SMC2: variants seen among roughly 807,000 people sequenced by gnomAD.
SMC2 encodes the protein structural maintenance of chromosomes 2, also known as structural maintenance of chromosomes protein 2.
A neutral mutation model predicts 142.6 loss-of-function variants in SMC2; 41 were observed. The ratio of observed to expected loss-of-function variants is 0.29; its 90% CI spans 0.22 to 0.37. SMC2 has a LOEUF of 0.37. Among genes scored for constraint, SMC2 ranks in the 10% least tolerant of loss-of-function variants. The probability of loss-of-function intolerance (pLI) is 1.00; values close to 1 mark genes in which losing one functional copy is unlikely to be tolerated. For synonymous variants in SMC2, 463 were observed against 457.5 expected (o/e 1.01, Z -0.15); for missense variants, 1,265 against 1,373.7 (o/e 0.92, Z 1.25).
At chr9:104,111,266 T>C (rs2131377883) in intron 9 of SMC2, among the ~76,000 whole-genome samples, 2 of 152,318 alleles carry the variant, frequency 1.3e-5, no homozygotes, top group South Asian at 4.1e-4. Flanking sequence ...GTTATTTCAG[T>C]TTTACAGCTT....
At chr9:104,128,717 T>C (rs1006395139) in intron 20 of SMC2, among the ~76,000 whole-genome samples, 14 of 152,362 alleles carry the variant, frequency 9.2e-5, no homozygotes, top group Admixed American at 9.1e-4. Context: ...ATAATTCTAG[T>C]AGAAGAAAGT....
chr9:104,097,611 GTC>G (rs1036515372), intron 3 of SMC2, among the ~76,000 whole-genome samples: 1 of 151,102 alleles, frequency 6.6e-6, no homozygotes, highest in African/African-American at 2.4e-5. Context: ...CTGTCACTAA[GTC>G]TCTTACTAAT....
Position 104,110,335 on chromosome 9 carries a change from A to G in SMC2, c.1021-1246A>G, listed in dbSNP as rs146311726. ...AGATGATTTATCTTGTAAACAGATA[A>G]TATAAACTTATCGCATCAATAAATA... On this transcript the variant is annotated intron_variant, in intron 9 of 24. Transcript: ENST00000374793. Among the ~76,000 whole-genome samples the G allele has an allele frequency of 1.1e-3, 173 of 152,328 alleles. 1 individual carries two copies. The highest frequency in any genetic ancestry group is 6.8e-3 in the Middle Eastern group (2 of 294).
At chr9:104,125,847 G>T (rs746392832) in intron 18 of SMC2, among the ~76,000 whole-genome samples, 1 of 152,090 alleles carries the variant, frequency 6.6e-6, no homozygotes, top group South Asian at 2.1e-4. Flanking sequence ...ACTTTTATGC[G>T]ATTTCACCTA....
intron 13 of SMC2, among the ~76,000 whole-genome samples, chr9:104,115,782 T>C (rs934361186): frequency 1.3e-5 from 2 of 152,174 alleles, no homozygotes; most frequent in African/African-American, 4.8e-5. Flanking sequence ...ATACATTACA[T>C]CTCTGAATAG....
At position 104,113,341 on chromosome 9, in the gene SMC2, A is replaced by C. The variant is rs1363014864; in HGVS notation, c.1280A>C (p.Gln427Pro). 1 of 1,609,160 alleles carries C rather than the reference A, an allele frequency of 6.2e-7. No homozygotes were observed. Among genetic ancestry groups the C allele is most frequent in the Admixed American group, 1.7e-5 (1 of 59,122 alleles). ...KQAQMKLKHA[Q>P]QELKNKQAEV... Reference sequence around the variant, plus strand: ...GCTCAGATGAAGTTGAAGCATGCTCAACAGGAATTAAAGAATAAACAAGCT... The same window carrying C: ...GCTCAGATGAAGTTGAAGCATGCTCCACAGGAATTAAAGAATAAACAAGCT... Residue 427 changes from glutamine (Q) to proline (P), a missense_variant, in exon 11 of 25, where the codon CAA becomes CCA. This residue lies in a region of SMC2 where 898 missense variants were observed against 904.2 expected (regional missense o/e 0.99). Coordinates refer to ENST00000374793, the MANE Select transcript of SMC2 (RefSeq NM_006444.3).
intron 9 of SMC2, among the ~76,000 whole-genome samples, chr9:104,107,624 A>T (rs937603428): frequency 3.3e-5 from 5 of 152,254 alleles, no homozygotes; most frequent in African/African-American, 9.6e-5. Flanking sequence ...GAGACCTACC[A>T]GCTGTGGGGC....
chr9:104,097,146 G>A (rs1292578189), intron 3 of SMC2, among the ~76,000 whole-genome samples: 1 of 86,740 alleles, frequency 1.2e-5, no homozygotes, highest in Admixed American at 1.5e-4. Flanking sequence ...TTTTTTTCCT[G>A]AGACGGAGTC....
chr9:104,111,295 C>T (rs901124971), intron 9 of SMC2, among the ~76,000 whole-genome samples: 3 of 151,956 alleles, frequency 2.0e-5, no homozygotes, highest in Non-Finnish European at 4.4e-5. Flanking sequence ...CATTTTTAGT[C>T]CCTTCAAGTG....
intron 18 of SMC2, 103 bp from the exon 19 acceptor site, chr9:104,126,538 G>GTCTT (rs988873172): frequency 1.9e-5 from 16 of 824,544 alleles, no homozygotes; most frequent in African/African-American, 3.8e-5. Flanking sequence ...AAAGCTGTGG[G>GTCTT]TCTTACTTGC....
intron 20 of SMC2, 81 bp downstream of exon 20, chr9:104,127,561 A>G: frequency 1.9e-6 from 2 of 1,053,900 alleles, no homozygotes; most frequent in Non-Finnish European, 2.6e-6. Flanking sequence ...ACTGCTTGAT[A>G]GAGAACTCTA....
intron 21 of SMC2, among the ~76,000 whole-genome samples, chr9:104,130,861 A>G (rs938109139): frequency 1.3e-5 from 2 of 151,922 alleles, no homozygotes; most frequent in East Asian, 1.9e-4. Context: ...GAATTTATCA[A>G]CTCCCATCTC....
chr9:104,090,226 A>T (rs1043334177), upstream of SMC2, among the ~76,000 whole-genome samples: 1 of 152,256 alleles, frequency 6.6e-6, no homozygotes. Context: ...CAAAAAGGAA[A>T]TTCTCAGTGC....
intron 22 of SMC2, among the ~76,000 whole-genome samples, chr9:104,132,570 T>TA (rs970247617): frequency 2.0e-5 from 3 of 152,126 alleles, no homozygotes; most frequent in African/African-American, 7.2e-5. Flanking sequence ...ATTCCAAACA[T>TA]AGAGTTACTG....
Position 104,113,434 on chromosome 9 carries a change from A to G in SMC2, c.1373A>G (p.Lys458Arg). The part of the protein sequence containing the change: ...QEALEAVKRL[K>R]EKLEAEMKKL... ...GCTCTAGAAGCTGTAAAAAGACTTA[A>G]AGAAAAACTTGAAGCTGAAATGAAA... The change falls in exon 11 of 25, where the codon AAA (lysine) becomes AGA (arginine). Residue 458 changes from lysine to arginine, a missense_variant. This residue lies in a region of SMC2 where 898 missense variants were observed against 904.2 expected (regional missense o/e 0.99). Transcript: ENST00000374793. 6.2e-7 allele frequency: 1 copy of G among 1,602,832 alleles called. No individual in the cohort carries two copies. The highest frequency in any genetic ancestry group is 8.5e-7 in the Non-Finnish European group (1 of 1,175,650).
chr9:104,124,900 T>G lies in SMC2; in HGVS notation c.2258-12T>G. The G allele has an allele frequency of 6.4e-7, 1 of 1,570,218 alleles. No individual in the cohort carries two copies. The highest frequency in any genetic ancestry group is 8.6e-7 in the Non-Finnish European group (1 of 1,168,146). ...TGTTAACTTAGCCACATTTGCTTAC[T>G]TTGTGATGCAGAGGAAAGTGAGGAG... On this transcript the variant is annotated splice_polypyrimidine_tract_variant and intron_variant, in intron 17 of 24. Transcript: ENST00000374793.
At chr9:104,095,278 C>T (rs1402243745) in intron 1 of SMC2, 46 bp from the exon 2 acceptor site, 3 of 868,462 alleles carry the variant, frequency 3.5e-6, no homozygotes, top group East Asian at 4.9e-5. Flanking sequence ...CATTATGATT[C>T]CAGGTTTACA....
At position 104,102,096 on chromosome 9, in the gene SMC2, A is replaced by T; in HGVS notation, c.773A>T (p.Asp258Val). The T allele has an allele frequency of 1.2e-6, 2 of 1,606,308 alleles. No individual in the cohort carries two copies. The highest frequency in any genetic ancestry group is 1.3e-5 in the African/African-American group (1 of 74,892). ...RSAEELKEMQ[D>V]KVIKLQEELS... ...GCTGAGGAATTAAAAGAAATGCAAG[A>T]TAAAGTTATAAAGCTTCAGGAAGAA... Residue 258 changes from aspartate (D) to valine (V), a missense_variant, in exon 8 of 25, where the codon GAT becomes GTT. Asp to Val is a radical substitution (Grantham distance 152). This residue lies in a region of SMC2 where 898 missense variants were observed against 904.2 expected (regional missense o/e 0.99). Coordinates refer to ENST00000374793, the MANE Select transcript of SMC2 (RefSeq NM_006444.3).
rs1833907412 is a variant in SMC2 at position 104,123,088 on chromosome 9, CAT to C, written c.2133-19_2133-18del. On this transcript the variant is annotated intron_variant, in intron 16 of 24. Coordinates refer to ENST00000374793, the MANE Select transcript of SMC2 (RefSeq NM_006444.3). ...CCAGAAAAATGACAGTCATTTCTTA[CAT>C]GTTTCTGTTTTTGTAAGGTATCGCC... 1.9e-6 allele frequency: 3 copies of C among 1,587,810 alleles called. No individual in the cohort carries two copies. Among genetic ancestry groups the C allele is most frequent in the East Asian group, 2.3e-5 (1 of 44,068 alleles).
Sources: allele counts gnomAD v4.1 joint callset (sites outside exome capture counted in the v4.1 genomes callset), GRCh38; gene constraint gnomAD v4.1.1; regional missense constraint gnomAD v4.1.1; transcripts MANE v1.5; gene names NCBI Gene and HGNC (gene_info 2026-07-23, HGNC 2026-07-21).